The following ZEB1 variants were observed in gnomAD, a reference collection of about 807,000 sequenced individuals.
ZEB1 encodes zinc finger E-box-binding homeobox 1.
In ZEB1, 21 loss-of-function variants were observed where a neutral mutation model predicts 84.9. That is an observed-to-expected ratio of 0.25 (90% confidence interval 0.18 to 0.36). ZEB1 has a LOEUF of 0.36. Among genes scored for constraint, ZEB1 ranks in the 10% least tolerant of loss-of-function variants. The pLI, the probability that ZEB1 is intolerant of heterozygous loss-of-function variation, is 1.00. For synonymous variants in ZEB1, 420 were observed against 471.1 expected (o/e 0.89, Z 1.41); for missense variants, 1,104 against 1,330.2 (o/e 0.83, Z 2.65).
At chr10:31,454,932 C>T (rs1419112072) in intron 1 of ZEB1, among the ~76,000 whole-genome samples, 1 of 152,008 alleles carries the variant, frequency 6.6e-6, no homozygotes, top group African/African-American at 2.4e-5. Context: ...CATGTGGAAC[C>T]AAAAAAGAGC....
intron 2 of ZEB1, among the ~76,000 whole-genome samples, chr10:31,468,723 AG>A (rs2062762147): frequency 6.6e-6 from 1 of 152,332 alleles, no homozygotes; most frequent in East Asian, 1.9e-4. Flanking sequence ...GCAAAGCCAA[AG>A]GACACAACCC....
At chr10:31,331,077 C>CTTTTTTTTTTTTTTTTTTTT (rs1238584690) in intron 1 of ZEB1, among the ~76,000 whole-genome samples, 4 of 89,058 alleles carry the variant, frequency 4.5e-5, no homozygotes, top group Admixed American at 2.1e-4. Context: ...TTTTTTCTTT[C>CTTTTTTTTTTTTTTTTTTTT]TTTCTTTTTT....
chr10:31,363,873 A>G (rs1820058820), intron 1 of ZEB1: 1 of 1,309,736 alleles, frequency 7.6e-7, no homozygotes, highest in Non-Finnish European at 1.0e-6. Context: ...GATGTCGCTG[A>G]CGGTTGAAGA....
At chr10:31,432,546 G>A (rs376560579) in intron 1 of ZEB1, among the ~76,000 whole-genome samples, 134 of 152,244 alleles carry the variant, frequency 8.8e-4, no homozygotes, top group African/African-American at 3.1e-3. Flanking sequence ...CTGTGATCAT[G>A]CCACTGCACT....
intron 1 of ZEB1, among the ~76,000 whole-genome samples, chr10:31,430,709 C>T (rs2057605555): frequency 6.6e-6 from 1 of 152,152 alleles, no homozygotes; most frequent in Non-Finnish European, 1.5e-5. Flanking sequence ...CATTTACACA[C>T]ATAATTTATA....
At chr10:31,360,701 T>A (rs758696223) in intron 1 of ZEB1, among the ~76,000 whole-genome samples, 17 of 152,280 alleles carry the variant, frequency 1.1e-4, no homozygotes, top group Non-Finnish European at 2.4e-4. Context: ...ACAGTTTTTT[T>A]ATCCGAGTCT....
chr10:31,515,427 G>A (rs1366090541), intron 6 of ZEB1, among the ~76,000 whole-genome samples: 5 of 151,998 alleles, frequency 3.3e-5, no homozygotes, highest in Non-Finnish European at 5.9e-5. Flanking sequence ...TTCATCTCCT[G>A]ATAAATTTTG....
At chr10:31,411,303 C>A (rs940563526) in intron 1 of ZEB1, among the ~76,000 whole-genome samples, 2 of 152,090 alleles carry the variant, frequency 1.3e-5, no homozygotes, top group South Asian at 2.1e-4. Context: ...AAAATAAGTT[C>A]TTTGATAACA....
chr10:31,324,512 A>T lies in ZEB1; in HGVS notation c.58+5220A>T, dbSNP rs529011012. On this transcript the variant is annotated intron_variant, in intron 1 of 8. Coordinates refer to ENST00000424869, the MANE Select transcript of ZEB1 (RefSeq NM_001174096.2). The stretch of plus-strand genomic sequence containing the variant: ...AGCTACTCTTAACTACCTGTATTGA[A>T]TTGCAGCAGAGGAGGAGAAAAATCA... 2.0e-5 allele frequency among the ~76,000 whole-genome samples: 3 copies of T among 152,172 alleles called. No homozygotes were observed. The East Asian group carries it at 5.8e-4, about 29-fold the overall frequency.
intron 1 of ZEB1, among the ~76,000 whole-genome samples, chr10:31,348,561 C>T (rs1297289822): frequency 6.6e-6 from 1 of 151,588 alleles, no homozygotes; most frequent in Non-Finnish European, 1.5e-5. Context: ...GAGACTCGGT[C>T]TCAAAAAATA....
chr10:31,434,553 A>G (rs1041231136), intron 1 of ZEB1, among the ~76,000 whole-genome samples: 1 of 152,182 alleles, frequency 6.6e-6, no homozygotes, highest in Non-Finnish European at 1.5e-5. Flanking sequence ...GAAGCCATAA[A>G]AACAATTACC....
At chr10:31,460,446 TGTG>T (rs1397821689) in intron 1 of ZEB1, among the ~76,000 whole-genome samples, 1 of 152,162 alleles carries the variant, frequency 6.6e-6, no homozygotes, top group African/African-American at 2.4e-5. Flanking sequence ...TAAAAATACT[TGTG>T]GTAAACTTGA....
intron 1 of ZEB1, among the ~76,000 whole-genome samples, chr10:31,377,193 A>C (rs762807296): frequency 6.6e-6 from 1 of 150,812 alleles, no homozygotes; most frequent in Non-Finnish European, 1.5e-5. Flanking sequence ...GACCACAATT[A>C]GTTCTAATGT....
intron 1 of ZEB1, among the ~76,000 whole-genome samples, chr10:31,348,342 T>A (rs926730768): frequency 1.3e-5 from 2 of 152,080 alleles, no homozygotes; most frequent in Admixed American, 6.6e-5. Flanking sequence ...GGTGGGTGGA[T>A]CACTTGAGGT....
rs545918130 is a variant in ZEB1 at position 31,465,410 on chromosome 10, GA to G, written c.259+4180del. ...TTGTAAGCCTTTTGGATAATTAAAA[GA>G]AAAAAACTGTGTTAGATACACAAAA... is the stretch of plus-strand genomic sequence containing the variant. On this transcript the variant is annotated intron_variant, in intron 2 of 8. Coordinates refer to ENST00000424869, the MANE Select transcript of ZEB1 (RefSeq NM_001174096.2). Among the ~76,000 whole-genome samples the G allele has an allele frequency of 2.3e-3, 343 of 150,656 alleles. 1 individual carries two copies. Among genetic ancestry groups the G allele is most frequent in the African/African-American group, 7.9e-3 (324 of 41,208 alleles).
At chr10:31,325,928 T>G (rs2035376885) in intron 1 of ZEB1, among the ~76,000 whole-genome samples, 1 of 151,374 alleles carries the variant, frequency 6.6e-6, no homozygotes. Context: ...GTCTTTGTAT[T>G]CATTTAATCC....
chr10:31,425,732 CT>C (rs1264437873), intron 1 of ZEB1, among the ~76,000 whole-genome samples: 1 of 152,026 alleles, frequency 6.6e-6, no homozygotes, highest in East Asian at 1.9e-4. Flanking sequence ...CCTAATTTTT[CT>C]CTTGATTTCC....
intron 2 of ZEB1, among the ~76,000 whole-genome samples, chr10:31,474,703 A>G (rs935380406): frequency 0.017 from 2,586 of 152,310 alleles, 64 homozygotes; most frequent in African/African-American, 0.059. Flanking sequence ...CAGCTATCCC[A>G]TTACTGGGTA....
intron 1 of ZEB1, among the ~76,000 whole-genome samples, chr10:31,381,214 G>A (rs943506096): frequency 1.3e-5 from 2 of 152,080 alleles, no homozygotes; most frequent in Non-Finnish European, 2.9e-5. Flanking sequence ...TATTTCATTT[G>A]TAGATGACAT....
Sources: allele counts gnomAD v4.1 joint callset (sites outside exome capture counted in the v4.1 genomes callset), GRCh38; gene constraint gnomAD v4.1.1; transcripts MANE v1.5; gene names NCBI Gene and HGNC (gene_info 2026-07-23, HGNC 2026-07-21).